The following PRICKLE2 variants were observed in gnomAD, a reference collection of about 807,000 sequenced individuals.
PRICKLE2 encodes prickle planar cell polarity protein 2.
PRICKLE2 carries 21 observed loss-of-function variants against 81.4 expected under a neutral mutation model. The observed-to-expected ratio is 0.26, with a 90% CI of 0.18 to 0.37. The LOEUF is 0.37. Ranked by LOEUF, PRICKLE2 falls within the 10% of genes least tolerant of loss-of-function variation. The pLI, the probability that PRICKLE2 is intolerant of heterozygous loss-of-function variation, is 1.00. For synonymous variants in PRICKLE2, 456 were observed against 421.5 expected (o/e 1.08, Z -1.00); for missense variants, 940 against 1,109.0 (o/e 0.85, Z 2.16).
At chr3:64,139,255 C>A (rs749735859) in intron 7 of PRICKLE2, among the ~76,000 whole-genome samples, 3 of 152,228 alleles carry the variant, frequency 2.0e-5, no homozygotes, top group Admixed American at 6.5e-5. Flanking sequence ...CAGATTCCTG[C>A]TCCGTGTCTC....
intron 7 of PRICKLE2, among the ~76,000 whole-genome samples, chr3:64,143,629 A>C (rs903820212): frequency 6.6e-6 from 1 of 152,188 alleles, no homozygotes; most frequent in African/African-American, 2.4e-5. Context: ...ACAATGGTGC[A>C]CATCAGCCTC....
chr3:64,268,048 G>C (rs1405267797), intron 2 of PRICKLE2: 2 of 152,346 alleles, frequency 1.3e-5, no homozygotes, highest in Middle Eastern at 6.8e-3. Flanking sequence ...CCAACTGCCC[G>C]GAGCCGAAGG....
intron 1 of PRICKLE2, among the ~76,000 whole-genome samples, chr3:64,209,737 G>A (rs542351327): frequency 2.4e-4 from 37 of 152,312 alleles, no homozygotes; most frequent in Non-Finnish European, 4.6e-4. Flanking sequence ...GCCTGCCTTC[G>A]TGGAGCTTTG....
intron 2 of PRICKLE2, among the ~76,000 whole-genome samples, chr3:64,194,844 C>T (rs931008920): frequency 1.3e-5 from 2 of 151,996 alleles, no homozygotes; most frequent in African/African-American, 4.8e-5. Flanking sequence ...GAGTTCAAGA[C>T]CAGCCTGGGC....
At chr3:64,153,704 TG>T in intron 5 of PRICKLE2, 1 of 300,606 alleles carries the variant, frequency 3.3e-6, no homozygotes, top group South Asian at 3.9e-5. Context: ...CTGCTTCATT[TG>T]GCCTGGCCAT....
intron 7 of PRICKLE2, among the ~76,000 whole-genome samples, chr3:64,117,515 A>C (rs1288178618): frequency 2.0e-5 from 3 of 152,228 alleles, no homozygotes; most frequent in Admixed American, 6.5e-5. Flanking sequence ...TCAGGATCAA[A>C]AATCAATGTG....
chr3:64,262,981 G>A (rs951877531), intron 2 of PRICKLE2, among the ~76,000 whole-genome samples: 4 of 152,110 alleles, frequency 2.6e-5, no homozygotes, highest in East Asian at 3.9e-4. Context: ...GGCTGAAAGG[G>A]GGTTCCAGGG....
intron 2 of PRICKLE2, among the ~76,000 whole-genome samples, chr3:64,261,966 G>A (rs1204502042): frequency 6.6e-6 from 1 of 152,190 alleles, no homozygotes; most frequent in East Asian, 1.9e-4. Flanking sequence ...AATGATGGCA[G>A]CATGGACTAA....
intron 7 of PRICKLE2, among the ~76,000 whole-genome samples, chr3:64,117,926 G>A (rs2076962754): frequency 1.3e-5 from 2 of 152,202 alleles, no homozygotes; most frequent in Middle Eastern, 3.4e-3. Context: ...CAAAGCAGAA[G>A]GCATCACATT....
intron 2 of PRICKLE2, among the ~76,000 whole-genome samples, chr3:64,257,582 TC>T (rs957414892): frequency 2.0e-5 from 3 of 152,192 alleles, no homozygotes; most frequent in African/African-American, 7.2e-5. Flanking sequence ...GGGTGTTTAC[TC>T]CTTCAAAATT....
At chr3:64,199,355 T>C (rs1018169328) in intron 1 of PRICKLE2, 8 of 259,370 alleles carry the variant, frequency 3.1e-5, no homozygotes, top group African/African-American at 1.8e-4. Context: ...AATACATATG[T>C]TGACCTGAAG....
intron 1 of PRICKLE2, among the ~76,000 whole-genome samples, chr3:64,201,403 T>C (rs1168374734): frequency 6.6e-6 from 1 of 152,216 alleles, no homozygotes; most frequent in African/African-American, 2.4e-5. Context: ...CTTGTCACAT[T>C]TGTTATTGTC....
chr3:64,184,069 T>C (rs143230956), intron 2 of PRICKLE2, among the ~76,000 whole-genome samples: 8 of 152,360 alleles, frequency 5.3e-5, no homozygotes, highest in African/African-American at 1.9e-4. Context: ...TATCTTAGAA[T>C]GCTTTAATTC....
At chr3:64,153,911 A>C (rs2077585354) in intron 5 of PRICKLE2, 1 of 156,226 alleles carries the variant, frequency 6.4e-6, no homozygotes, top group Admixed American at 6.2e-5. Flanking sequence ...CTATTGCCTT[A>C]AAATAAGTCA....
At chr3:64,258,038 G>C (rs2079554642) in intron 2 of PRICKLE2, among the ~76,000 whole-genome samples, 1 of 152,146 alleles carries the variant, frequency 6.6e-6, no homozygotes, top group Admixed American at 6.5e-5. Context: ...CCTTGATCTT[G>C]AACCTCCAAG....
At chr3:64,153,974 A>G (rs1213718334) in intron 5 of PRICKLE2, 2 of 154,248 alleles carry the variant, frequency 1.3e-5, no homozygotes, top group African/African-American at 2.4e-5. Context: ...TTTTCCCCCA[A>G]TATAGAGTTT....
At chr3:64,164,180 C>A (rs2077785990) in intron 2 of PRICKLE2, among the ~76,000 whole-genome samples, 1 of 151,952 alleles carries the variant, frequency 6.6e-6, no homozygotes, top group African/African-American at 2.4e-5. Flanking sequence ...AGTTTGAGAC[C>A]AGCCTGGCCA....
At chr3:64,153,693 T>C (rs376743818) in intron 5 of PRICKLE2, 94 of 326,772 alleles carry the variant, frequency 2.9e-4, no homozygotes, top group African/African-American at 1.5e-3. Flanking sequence ...GACATACATA[T>C]CTGCTTCATT....
intron 1 of PRICKLE2, among the ~76,000 whole-genome samples, chr3:64,220,129 T>C (rs560918531): frequency 1.7e-4 from 26 of 152,294 alleles, no homozygotes; most frequent in African/African-American, 5.1e-4. Flanking sequence ...TTTGTGACCA[T>C]AGAAAATAGG....
Sources: gnomAD v4.1 joint callset for allele counts (sites outside exome capture counted in the v4.1 genomes callset) on GRCh38, gnomAD v4.1.1 for gene constraint, MANE v1.5 for transcripts, NCBI Gene and HGNC (gene_info 2026-07-23, HGNC 2026-07-21) for gene names.